Variants in IPO5 observed in about 807,000 individuals in gnomAD.
The protein encoded by IPO5 is importin-5.
A neutral mutation model predicts 143.3 loss-of-function variants in IPO5; 18 were observed. The ratio of observed to expected loss-of-function variants is 0.13; its 90% confidence interval spans 0.09 to 0.19. The LOEUF (loss-of-function observed/expected upper bound fraction) is 0.19. IPO5 is among the 10% of genes least tolerant of loss of function. The pLI, the probability that IPO5 is intolerant of heterozygous loss-of-function variation, is 1.00. For synonymous variants in IPO5, 477 were observed against 465.7 expected (o/e 1.02, Z -0.31); for missense variants, 1,013 against 1,336.9 (o/e 0.76, Z 3.78).
intron 17 of IPO5, chr13:98,007,587 G>A (rs1257905584): frequency 6.6e-6 from 1 of 152,198 alleles, no homozygotes; most frequent in Non-Finnish European, 1.5e-5. Context: ...CTAAAACATT[G>A]GTATGTTTTT....
At chr13:97,985,959 C>CA (rs1171410343) in intron 6 of IPO5, among the ~76,000 whole-genome samples, 1 of 151,884 alleles carries the variant, frequency 6.6e-6, no homozygotes, top group Non-Finnish European at 1.5e-5. Flanking sequence ...CCCGTTTCTA[C>CA]AAAAAATTAG....
chr13:97,959,493 G>T (rs1884699870), intron 2 of IPO5, among the ~76,000 whole-genome samples: 1 of 152,022 alleles, frequency 6.6e-6, no homozygotes, highest in Non-Finnish European at 1.5e-5. Context: ...ACTTTGGGAG[G>T]CCGAGGCGGG....
chr13:97,983,229 G>C (rs950448266), intron 5 of IPO5, among the ~76,000 whole-genome samples: 1 of 152,164 alleles, frequency 6.6e-6, no homozygotes, highest in South Asian at 2.1e-4. Context: ...TTATTCTAAA[G>C]AAGTAAATTA....
intron 16 of IPO5, among the ~76,000 whole-genome samples, chr13:98,004,300 A>G (rs918620351): frequency 5.9e-5 from 9 of 152,240 alleles, no homozygotes; most frequent in African/African-American, 1.4e-4. Flanking sequence ...AAGAAATGCA[A>G]TGTCTCAGAA....
chr13:98,006,078 A>T, intron 16 of IPO5, 52 bp from the exon 17 acceptor site: 3 of 1,259,030 alleles, frequency 2.4e-6, no homozygotes, highest in Non-Finnish European at 3.5e-6. Flanking sequence ...TTGTAAATTT[A>T]AATACTTCTT....
intron 5 of IPO5, 131 bp from the exon 6 acceptor site, chr13:97,985,290 C>G: frequency 1.5e-6 from 1 of 684,302 alleles, no homozygotes; most frequent in Non-Finnish European, 2.4e-6. Flanking sequence ...GTATAATAGA[C>G]TAATGTAATT....
chr13:97,976,866 G>C (rs1594045118), intron 4 of IPO5, 80 bp downstream of exon 4: 1 of 413,034 alleles, frequency 2.4e-6, no homozygotes. Flanking sequence ...ACCGGGCCTC[G>C]GCCGGTCCGC....
At chr13:98,003,578 G>A (rs1163089281) in intron 16 of IPO5, among the ~76,000 whole-genome samples, 4 of 152,102 alleles carry the variant, frequency 2.6e-5, no homozygotes, top group Non-Finnish European at 4.4e-5. Context: ...GGCCCGGCAC[G>A]GTGGCTCATC....
chr13:97,972,529 C>T (rs1219951035), intron 3 of IPO5, among the ~76,000 whole-genome samples: 1 of 152,130 alleles, frequency 6.6e-6, no homozygotes, highest in Admixed American at 6.5e-5. Context: ...TGTTTTCTTT[C>T]CCCCAACCTC....
At chr13:98,018,051 C>T (rs1030615410) in intron 25 of IPO5, among the ~76,000 whole-genome samples, 2 of 152,088 alleles carry the variant, frequency 1.3e-5, no homozygotes, top group Non-Finnish European at 2.9e-5. Flanking sequence ...TTCAATTTTG[C>T]ATTTTATTGT....
chr13:98,007,146 C>T (rs907969324), intron 17 of IPO5, among the ~76,000 whole-genome samples: 1 of 151,986 alleles, frequency 6.6e-6, no homozygotes, highest in East Asian at 1.9e-4. Flanking sequence ...GCGCCCAGCC[C>T]GTCTTTTCAT....
chr13:97,976,654 G>A (rs374147464), intron 3 of IPO5, 39 bp from the exon 4 acceptor site: 16 of 1,005,874 alleles, frequency 1.6e-5, no homozygotes, highest in Non-Finnish European at 2.0e-5. Context: ...CGCGCCTCAC[G>A]GCTCCTGTCT....
chr13:97,982,774 A>C (rs547278700), intron 5 of IPO5, among the ~76,000 whole-genome samples, 191 bp downstream of exon 5: 1 of 152,342 alleles, frequency 6.6e-6, no homozygotes, highest in South Asian at 2.1e-4. Context: ...ATTAAGAATG[A>C]GAGTTGCCTT....
intron 6 of IPO5, 81 bp from the exon 7 acceptor site, chr13:97,988,981 C>A: frequency 1.4e-6 from 1 of 733,986 alleles, no homozygotes; most frequent in Non-Finnish European, 2.4e-6. Context: ...TTGAATGAGG[C>A]TTATGAAATG....
chr13:97,959,916 C>T (rs1305019792), intron 2 of IPO5, among the ~76,000 whole-genome samples: 1 of 152,202 alleles, frequency 6.6e-6, no homozygotes, highest in Non-Finnish European at 1.5e-5. Flanking sequence ...TCCGCATGCT[C>T]ACCGTGGAAT....
At chr13:98,013,938 T>C (rs1158918255) in intron 21 of IPO5, 104 bp from the exon 22 acceptor site, 1 of 883,438 alleles carries the variant, frequency 1.1e-6, no homozygotes, top group Non-Finnish European at 1.7e-6. Context: ...CTCTTGGGTA[T>C]CTTAGATAAA....
rs548720225 is a variant in IPO5 at position 97,990,043 on chromosome 13, C to G, written c.468-83C>G. 1.1e-3 allele frequency: 889 copies of G among 807,718 alleles called. 19 individuals are homozygous for G. The South Asian group carries it at 0.013, about 12-fold the overall frequency. 50.0% of individuals were successfully genotyped at this position (807,718 alleles called of 1,614,324 possible). ...ATGCGTACTGAGTCAGGTAAACAAA[C>G]AGTTCATTAGAGATTCTAGCTCATA... is the stretch of plus-strand genomic sequence containing the variant. On this transcript the variant is annotated intron_variant, in intron 7 of 28. Coordinates refer to ENST00000651721, the MANE Select transcript of IPO5 (RefSeq NM_002271.6).
At chr13:97,954,532 T>A (rs1884334120) in intron 2 of IPO5, among the ~76,000 whole-genome samples, 1 of 152,180 alleles carries the variant, frequency 6.6e-6, no homozygotes, top group Non-Finnish European at 1.5e-5. Flanking sequence ...CCGAGTATAT[T>A]TTATCTTAGT....
chr13:98,012,840 CTG>C (rs1889831397), intron 21 of IPO5, among the ~76,000 whole-genome samples: 1 of 124,248 alleles, frequency 8.0e-6, no homozygotes, highest in African/African-American at 2.9e-5. Context: ...GAGATAAGGT[CTG>C]CCTATGTTGC....
Sources: gnomAD v4.1 joint callset for allele counts (sites outside exome capture counted in the v4.1 genomes callset) on GRCh38, gnomAD v4.1.1 for gene constraint, MANE v1.5 for transcripts, NCBI Gene and HGNC (gene_info 2026-07-23, HGNC 2026-07-21) for gene names.